The following MAK variants were observed in gnomAD, a reference collection of about 807,000 sequenced individuals.
MAK encodes serine/threonine-protein kinase MAK.
Under a neutral mutation model 82.6 loss-of-function variants are expected in MAK, and 65 were observed. That is an observed-to-expected ratio of 0.79 (90% CI 0.64 to 0.97). The LOEUF is 0.97. Among genes scored for constraint, MAK ranks in the 50% least tolerant of loss-of-function variants. The pLI is 0.00. For synonymous variants in MAK, 250 were observed against 274.2 expected, an observed-to-expected ratio of 0.91 and a Z score of 0.87; for missense variants, 703 against 780.2, an observed-to-expected ratio of 0.90 and a Z score of 1.18.
chr6:10,816,046 C>A (rs1362096513), intron 4 of MAK, among the ~76,000 whole-genome samples: 1 of 150,776 alleles, frequency 6.6e-6, no homozygotes, highest in Non-Finnish European at 1.5e-5. Context: ...CCCTCCTGGC[C>A]AACGCAGTGA....
At chr6:10,804,594 T>G (rs1349860360) in intron 6 of MAK, among the ~76,000 whole-genome samples, 1 of 152,152 alleles carries the variant, frequency 6.6e-6, no homozygotes, top group Admixed American at 6.6e-5. Context: ...CAGCCTGCCT[T>G]AGCCTCCCGA....
intron 11 of MAK, among the ~76,000 whole-genome samples, chr6:10,779,820 G>A (rs539254453): frequency 4.7e-4 from 71 of 152,234 alleles, no homozygotes; most frequent in African/African-American, 1.7e-3. Flanking sequence ...GTGTAGCTGG[G>A]ATTACAGGCA....
At chr6:10,765,766 G>A (rs921221404) in intron 14 of MAK, among the ~76,000 whole-genome samples, 4 of 152,096 alleles carry the variant, frequency 2.6e-5, no homozygotes, top group Admixed American at 6.6e-5. Flanking sequence ...GATTACAGGT[G>A]TGAGCCATCG....
At chr6:10,774,454 C>T (rs553354681) in intron 12 of MAK, among the ~76,000 whole-genome samples, 15 of 152,124 alleles carry the variant, frequency 9.9e-5, no homozygotes, top group Admixed American at 9.2e-4. Flanking sequence ...TCTCTCTTTT[C>T]TTTTTTCTTC....
intron 13 of MAK, among the ~76,000 whole-genome samples, chr6:10,772,697 G>GA (rs996517710): frequency 6.6e-6 from 1 of 150,518 alleles, no homozygotes; most frequent in African/African-American, 2.4e-5. Context: ...TCAGAACTTT[G>GA]AAAAAAAAAT....
At chr6:10,767,193 T>A (rs1367614186) in intron 14 of MAK, among the ~76,000 whole-genome samples, 1 of 152,244 alleles carries the variant, frequency 6.6e-6, no homozygotes, top group East Asian at 1.9e-4. Flanking sequence ...AGAAAATCTA[T>A]GCTAAAGGAA....
intron 6 of MAK, 126 bp downstream of exon 6, chr6:10,808,684 G>C (rs1300255574): frequency 1.0e-6 from 1 of 969,644 alleles, no homozygotes; most frequent in African/African-American, 1.6e-5. Flanking sequence ...TTTCTTTAAA[G>C]AATATAAAAT....
intron 2 of MAK, among the ~76,000 whole-genome samples, chr6:10,827,058 C>A (rs1310614977): frequency 6.6e-6 from 1 of 152,160 alleles, no homozygotes; most frequent in Non-Finnish European, 1.5e-5. Flanking sequence ...TTGTGGTGAG[C>A]TGAGATCGCG....
chr6:10,798,775 T>C (rs1347460392), intron 8 of MAK, among the ~76,000 whole-genome samples: 2 of 151,736 alleles, frequency 1.3e-5, no homozygotes, highest in Non-Finnish European at 2.9e-5. Context: ...AAATTAAAGA[T>C]GCACATAACC....
rs763168003 is a variant in MAK at position 10,817,896 on chromosome 6, T to C, written c.232A>G (p.Ile78Val). 1.4e-6 allele frequency: 2 copies of C among 1,433,894 alleles called. No homozygotes were observed. The highest frequency in any genetic ancestry group is 1.9e-6 in the Non-Finnish European group (2 of 1,032,718). The allele number at this position is 1,433,894 out of a possible 1,614,324, so 88.8% of individuals were successfully genotyped here. A position where few individuals can be genotyped will look rare whatever the true frequency, so the allele number is the denominator to read the frequency against. The change falls in exon 4 of 15, where the codon ATA becomes GTA. Residue 78 changes from isoleucine (I) to valine (V), a missense_variant. Coordinates refer to ENST00000354489, the MANE Select transcript of MAK (RefSeq NM_001242957.3). The stretch of plus-strand genomic sequence containing the variant: ...AGGTTTTCTTTCATATATTCAAATA[T>C]AAAATAAAGATGGTCATTTTCTCTG... The part of the protein sequence containing the change: ...VIRENDHLYF[I>V]FEYMKENLYQ...
At chr6:10,836,912 A>C (rs909740547) in intron 1 of MAK, among the ~76,000 whole-genome samples, 7 of 152,236 alleles carry the variant, frequency 4.6e-5, no homozygotes, top group African/African-American at 1.7e-4. Flanking sequence ...CTTATAATTT[A>C]TCTCTCATTC....
chr6:10,798,828 TTATTTATTTA>T (rs1401672587), intron 8 of MAK, among the ~76,000 whole-genome samples: 2 of 150,392 alleles, frequency 1.3e-5, no homozygotes, highest in African/African-American at 4.9e-5. Context: ...ATTTATTTAT[TTATTTATTTA>T]TTTATTTTTG....
intron 2 of MAK, among the ~76,000 whole-genome samples, chr6:10,830,017 A>C (rs2127589804): frequency 6.6e-6 from 1 of 150,702 alleles, no homozygotes; most frequent in East Asian, 2.0e-4. Flanking sequence ...TTGTATTTTT[A>C]GTAGAGACAG....
At chr6:10,795,963 C>T (rs773093740) in intron 9 of MAK, 35 bp downstream of exon 9, 1 of 1,601,456 alleles carries the variant, frequency 6.2e-7, no homozygotes. Context: ...ACGAGTCAAA[C>T]TATTTCATTG....
chr6:10,789,998 T>C (rs1480015245), intron 10 of MAK, among the ~76,000 whole-genome samples: 1 of 152,166 alleles, frequency 6.6e-6, no homozygotes, highest in Non-Finnish European at 1.5e-5. Context: ...AATGAAACCA[T>C]GGAAGGTGAA....
chr6:10,785,596 G>C (rs1774468731), intron 10 of MAK, among the ~76,000 whole-genome samples: 1 of 152,182 alleles, frequency 6.6e-6, no homozygotes, highest in Non-Finnish European at 1.5e-5. Flanking sequence ...GCTTCAATGG[G>C]AACAGTCCCG....
chr6:10,827,451 C>T (rs1778466563), intron 2 of MAK, among the ~76,000 whole-genome samples: 1 of 152,116 alleles, frequency 6.6e-6, no homozygotes, highest in African/African-American at 2.4e-5. Flanking sequence ...ACACTCATTT[C>T]TTAGGTTTCT....
Position 10,764,332 on chromosome 6 carries a change from C to T in MAK, c.*120G>A. 9.1e-7 allele frequency: 1 copy of T among 1,102,512 alleles called. No individual in the cohort carries two copies. The highest frequency in any genetic ancestry group is 1.4e-5 in the South Asian group (1 of 69,634). 68.3% of individuals were successfully genotyped at this position (1,102,512 alleles called of 1,614,324 possible). A position where few individuals can be genotyped will look rare whatever the true frequency, so the allele number is the denominator to read the frequency against. On this transcript the variant is annotated 3_prime_UTR_variant, in exon 15 of 15. Transcript: ENST00000354489. Reference sequence around the variant, plus strand: ...GGATGATTTTTGCCCTTCCAAGTACCCACTTTTGCATATTTCTTCCAGAAC... The same window carrying T: ...GGATGATTTTTGCCCTTCCAAGTACTCACTTTTGCATATTTCTTCCAGAAC...
At chr6:10,829,437 A>C (rs994977648) in intron 2 of MAK, among the ~76,000 whole-genome samples, 3 of 152,180 alleles carry the variant, frequency 2.0e-5, no homozygotes, top group African/African-American at 7.2e-5. Context: ...ATGGTGGCTC[A>C]CACCTGTAAT....
Sources: gnomAD v4.1 joint callset for allele counts (sites outside exome capture counted in the v4.1 genomes callset) on GRCh38, gnomAD v4.1.1 for gene constraint, MANE v1.5 for transcripts, NCBI Gene and HGNC (gene_info 2026-07-23, HGNC 2026-07-21) for gene names.